Variants in ACAN observed in about 807,000 individuals in gnomAD.
The protein encoded by ACAN is aggrecan.
Under a neutral mutation model 169.1 loss-of-function variants are expected in ACAN, and 47 were observed. The ratio of observed to expected loss-of-function variants is 0.28; its 90% CI spans 0.22 to 0.35. The LOEUF is 0.35. Ranked by LOEUF, ACAN falls within the 10% of genes least tolerant of loss-of-function variation. The pLI is 1.00. For missense variants in ACAN, 2,716 were observed against 2,759.9 expected (o/e 0.98, Z 0.36); for synonymous variants, 1,115 against 1,112.2 (o/e 1.00, Z -0.05).
At chr15:88,836,418 G>A (rs1896504797) in intron 2 of ACAN, 142 bp downstream of exon 2, 1 of 746,240 alleles carries the variant, frequency 1.3e-6, no homozygotes, top group South Asian at 1.6e-5. Context: ...CCCTTCCCCT[G>A]TTGATGCATG....
intron 1 of ACAN, among the ~76,000 whole-genome samples, chr15:88,813,861 C>T (rs571160780): frequency 9.2e-5 from 14 of 152,322 alleles, no homozygotes; most frequent in Admixed American, 3.9e-4. Flanking sequence ...ATATCTGTCA[C>T]CTCACCTCCA....
In ACAN at chr15:88,843,748, G is replaced by A; in HGVS notation, c.1051+100G>A. ...AAAGGGAGGGTTGGTTTTTGCCCTT[G>A]AAGGGGCCACGGGGTACCTGAACCC... On this transcript the variant is annotated intron_variant, in intron 6 of 18. Coordinates refer to ENST00000560601, the MANE Select transcript of ACAN (RefSeq NM_001369268.1). The surrounding 1 kb of genome is among the most constrained non-coding windows in gnomAD (Gnocchi z 4.0). The A allele has an allele frequency of 1.4e-6, 2 of 1,435,922 alleles. No homozygotes were observed. Among genetic ancestry groups the A allele is most frequent in the South Asian group, 2.8e-5 (2 of 71,024 alleles). The allele number at this position is 1,435,922 out of a possible 1,614,324, so 88.9% of individuals were successfully genotyped here.
chr15:88,830,569 C>T (rs1443955171), intron 1 of ACAN, among the ~76,000 whole-genome samples: 2 of 152,066 alleles, frequency 1.3e-5, no homozygotes, highest in East Asian at 3.9e-4. Flanking sequence ...GGTTTAGATA[C>T]ACAAATACTT....
In ACAN at chr15:88,858,844, C is replaced by T; in HGVS notation, c.6259C>T (p.Pro2087Ser). ...GDISGATPVL[P>S]GSGVEVSSVP... ...CATTAGTGGAGCTACCCCAGTGCTC[C>T]CTGGGTCTGGAGTAGAAGTATCATC... The change falls in exon 12 of 19, where the codon CCT (proline) becomes TCT (serine). Residue 2087 changes from proline (P) to serine (S), a missense_variant. Pro to Ser is a moderately conservative substitution (Grantham distance 74). Coordinates refer to ENST00000560601, the MANE Select transcript of ACAN (RefSeq NM_001369268.1). The surrounding 1 kb of genome is among the most constrained non-coding windows in gnomAD (Gnocchi z 4.0). 6.2e-7 allele frequency: 1 copy of T among 1,613,528 alleles called. No individual in the cohort carries two copies. Among genetic ancestry groups the T allele is most frequent in the Non-Finnish European group, 8.5e-7 (1 of 1,179,680 alleles).
Position 88,838,487 on chromosome 15 carries a change from G to A in ACAN, c.71-176G>A, listed in dbSNP as rs1896561862. On this transcript the variant is annotated intron_variant, in intron 2 of 18. Coordinates refer to ENST00000560601, the MANE Select transcript of ACAN (RefSeq NM_001369268.1). This position sits in a 1 kb window ranked among gnomAD's most constrained non-coding sequence, Gnocchi z 5.1. ...GGAACACTGCTCTGGAAAGGGCGTG[G>A]CAAGCCTTTCTGGGAATTCCCACAT... Among the ~76,000 whole-genome samples the A allele has an allele frequency of 6.6e-6, 1 of 152,154 alleles. No homozygotes were observed. Among genetic ancestry groups the A allele is most frequent in the African/African-American group, 2.4e-5 (1 of 41,430 alleles).
chr15:88,810,246 G>C (rs1056550285), intron 1 of ACAN, among the ~76,000 whole-genome samples: 2 of 151,844 alleles, frequency 1.3e-5, no homozygotes, highest in African/African-American at 4.8e-5. Flanking sequence ...CATCCAATCA[G>C]AACCCAACTC....
intron 2 of ACAN, among the ~76,000 whole-genome samples, chr15:88,837,105 C>T (rs1263149663): frequency 6.6e-6 from 1 of 152,222 alleles, no homozygotes; most frequent in Non-Finnish European, 1.5e-5. Flanking sequence ...ATGGGTCCAT[C>T]CTCCTACGGG....
Position 88,871,901 on chromosome 15 carries a change from A to G in ACAN, c.7220-102A>G. 2 of 1,078,480 alleles carry G rather than the reference A, an allele frequency of 1.9e-6. No homozygotes were observed. The highest frequency in any genetic ancestry group is 2.9e-6 in the Non-Finnish European group (2 of 697,546). 66.8% of individuals were successfully genotyped at this position (1,078,480 alleles called of 1,614,324 possible). On this transcript the variant is annotated intron_variant, in intron 15 of 18. Transcript: ENST00000560601. This position sits in a 1 kb window ranked among gnomAD's most constrained non-coding sequence, Gnocchi z 7.8. Reference sequence around the variant, plus strand: ...GTGCCTTGCTCCTAGGAGCCCACCCACCTCCTTTCCTCCTCCATCCCCTCT... The same window carrying G: ...GTGCCTTGCTCCTAGGAGCCCACCCGCCTCCTTTCCTCCTCCATCCCCTCT...
rs570846413 is a variant in ACAN at position 88,807,353 on chromosome 15, G to A, written c.-8+3544G>A. On this transcript the variant is annotated intron_variant, in intron 1 of 18. Transcript: ENST00000560601. This position sits in a 1 kb window ranked among gnomAD's most constrained non-coding sequence, Gnocchi z 4.0. ...GGAGCCTTCCTCTCCTGCTGTCAACGGCCTGGCCTCGTGGCCATGCTTCGT... is the reference window on the plus strand; with the variant it reads ...GGAGCCTTCCTCTCCTGCTGTCAACAGCCTGGCCTCGTGGCCATGCTTCGT... 2.0e-5 allele frequency among the ~76,000 whole-genome samples: 3 copies of A among 152,324 alleles called. No individual in the cohort carries two copies. The highest frequency in any genetic ancestry group is 2.1e-4 in the South Asian group (1 of 4,828).
rs1269865037 is a variant in ACAN at position 88,858,383 on chromosome 15, C to T, written c.5798C>T (p.Thr1933Ile). The T allele has an allele frequency of 5.6e-6, 9 of 1,613,890 alleles. No homozygotes were observed. Among genetic ancestry groups the T allele is most frequent in the East Asian group, 2.2e-5 (1 of 44,880 alleles). Residue 1933 changes from threonine to isoleucine, a missense_variant, in exon 12 of 19, where the codon ACT (threonine) becomes ATT (isoleucine). Around this residue, in one of 3 missense-constraint regions of ACAN, gnomAD observed 1,389 missense variants for 1,363.7 expected, o/e 1.02. Transcript: ENST00000560601. This position sits in a 1 kb window ranked among gnomAD's most constrained non-coding sequence, Gnocchi z 4.0. The part of the protein sequence containing the change: ...YGSGTPSSFP[T>I]VSLVDRTLVE... ...AGTGGAACTCCATCTAGTTTCCCCA[C>T]TGTCTCTCTTGTAGACAGAACTTTG... is the stretch of plus-strand genomic sequence containing the variant.
rs967120621 is a variant in ACAN, at chr15:88,866,894, C to G, written c.6947-1322C>G. 6.6e-6 allele frequency among the ~76,000 whole-genome samples: 1 copy of G among 152,204 alleles called. No homozygotes were observed. Among genetic ancestry groups the G allele is most frequent in the Admixed American group, 6.5e-5 (1 of 15,280 alleles). On this transcript the variant is annotated intron_variant, in intron 13 of 18. Transcript: ENST00000560601. This position sits in a 1 kb window ranked among gnomAD's most constrained non-coding sequence, Gnocchi z 5.6. ...GGCTTCGCTGTCCTGCAGAGCCCAC[C>G]TACAGACATGTCACTGGATCTGGAA...
At chr15:88,836,627 G>A (rs1487784171) in intron 2 of ACAN, among the ~76,000 whole-genome samples, 1 of 152,226 alleles carries the variant, frequency 6.6e-6, no homozygotes, top group Non-Finnish European at 1.5e-5. Flanking sequence ...AGACAAACCA[G>A]TGGAGAAAGG....
At chr15:88,854,074 G>A (rs1005924009) in intron 11 of ACAN, among the ~76,000 whole-genome samples, 5 of 152,198 alleles carry the variant, frequency 3.3e-5, no homozygotes, top group African/African-American at 4.8e-5. Flanking sequence ...ATGTAGCCTT[G>A]ATTAGTTAGA....
chr15:88,858,900 C>T lies in ACAN; in HGVS notation c.6315C>T (p.Ala2105=). The T allele has an allele frequency of 6.2e-7, 1 of 1,609,224 alleles. No individual in the cohort carries two copies. Among genetic ancestry groups the T allele is most frequent in the Non-Finnish European group, 8.5e-7 (1 of 1,176,648 alleles). ...CAGAATCTAGCAGTGAGACGTCCGC[C>T]TATCCTGAAGCTGGGTTCGGGGCAT... The part of the protein sequence containing the change: ...SVPESSSETS[A]YPEAGFGASA... The change falls in exon 12 of 19, where the codon GCC becomes GCT. Residue 2105 remains alanine, a synonymous_variant. Coordinates refer to ENST00000560601, the MANE Select transcript of ACAN (RefSeq NM_001369268.1). This position sits in a 1 kb window ranked among gnomAD's most constrained non-coding sequence, Gnocchi z 4.0.
At chr15:88,808,166 C>A (rs1480015849) in intron 1 of ACAN, among the ~76,000 whole-genome samples, 6 of 152,224 alleles carry the variant, frequency 3.9e-5, no homozygotes, top group African/African-American at 1.4e-4. Flanking sequence ...TCCCTGGTCT[C>A]TGGCAGTCCC....
In ACAN at chr15:88,843,771, C is replaced by G; in HGVS notation, c.1051+123C>G. 1 of 1,266,632 alleles carries G rather than the reference C, an allele frequency of 7.9e-7. No homozygotes were observed. The highest frequency in any genetic ancestry group is 1.7e-5 in the South Asian group (1 of 60,356). The allele number at this position is 1,266,632 out of a possible 1,614,324, so 78.5% of individuals were successfully genotyped here. Reference sequence around the variant, plus strand: ...TTGAAGGGGCCACGGGGTACCTGAACCCCATGTTTTTAGGACACCCCTCCA... The same window carrying G: ...TTGAAGGGGCCACGGGGTACCTGAAGCCCATGTTTTTAGGACACCCCTCCA... On this transcript the variant is annotated intron_variant, in intron 6 of 18. Coordinates refer to ENST00000560601, the MANE Select transcript of ACAN (RefSeq NM_001369268.1). This position sits in a 1 kb window ranked among gnomAD's most constrained non-coding sequence, Gnocchi z 4.0.
chr15:88,862,819 G>A (rs894314618), intron 13 of ACAN, among the ~76,000 whole-genome samples: 2 of 152,100 alleles, frequency 1.3e-5, no homozygotes, highest in African/African-American at 4.8e-5. Flanking sequence ...TCAATATGGT[G>A]AAACCCCATC....
Position 88,838,752 on chromosome 15 carries a change from A to G in ACAN, c.160A>G (p.Ile54Val), listed in dbSNP as rs1220719528. The change falls in exon 3 of 19, where the codon ATC becomes GTC. Residue 54 changes from isoleucine (I) to valine (V), a missense_variant. Around this residue, in one of 3 missense-constraint regions of ACAN, gnomAD observed 1,283 missense variants for 1,281.5 expected, o/e 1.00. Coordinates refer to ENST00000560601, the MANE Select transcript of ACAN (RefSeq NM_001369268.1). This position sits in a 1 kb window ranked among gnomAD's most constrained non-coding sequence, Gnocchi z 5.1. Reference protein sequence around the residue: ...GTSLTIPCYFIDPMHPVTTAP... With the variant: ...GTSLTIPCYFVDPMHPVTTAP... The stretch of plus-strand genomic sequence containing the variant: ...CTCCCTCACCATCCCCTGCTATTTC[A>G]TCGACCCCATGCACCCTGTGACCAC... The G allele has an allele frequency of 6.2e-7, 1 of 1,613,206 alleles. No individual in the cohort carries two copies. The highest frequency in any genetic ancestry group is 8.5e-7 in the Non-Finnish European group (1 of 1,179,436).
intron 1 of ACAN, among the ~76,000 whole-genome samples, chr15:88,824,823 G>A (rs1454920026): frequency 6.6e-6 from 1 of 151,796 alleles, no homozygotes; most frequent in Non-Finnish European, 1.5e-5. Flanking sequence ...AGGTTGCAGT[G>A]AGCCAAGATC....
Sources: allele counts gnomAD v4.1 joint callset (sites outside exome capture counted in the v4.1 genomes callset), GRCh38; gene constraint gnomAD v4.1.1; regional missense constraint gnomAD v4.1.1; non-coding constraint Gnocchi (gnomAD v3.1); transcripts MANE v1.5; gene names NCBI Gene and HGNC (gene_info 2026-07-23, HGNC 2026-07-21).